AGAP1: variants seen among roughly 807,000 people sequenced by gnomAD.
The protein encoded by AGAP1 is arf-GAP with GTPase, ANK repeat and PH domain-containing protein 1.
AGAP1 carries 29 observed loss-of-function variants against 105.3 expected under a neutral mutation model. The observed-to-expected ratio is 0.28, with a 90% CI of 0.21 to 0.38. AGAP1 has a LOEUF of 0.38. Among genes scored for constraint, AGAP1 ranks in the 10% least tolerant of loss-of-function variants. The pLI is 1.00. For synonymous variants in AGAP1, 509 were observed against 485.9 expected, an observed-to-expected ratio of 1.05 and a Z score of -0.63; for missense variants, 998 against 1,165.1, an observed-to-expected ratio of 0.86 and a Z score of 2.09.
chr2:235,841,838 A>T (rs1960888441), intron 9 of AGAP1, among the ~76,000 whole-genome samples: 1 of 152,096 alleles, frequency 6.6e-6, no homozygotes, highest in African/African-American at 2.4e-5. Context: ...TCCTGCCTAT[A>T]GGCTCATCCA....
rs1951581060 is a variant in AGAP1, at chr2:235,725,086, T to A, written c.310+7442T>A. 6.6e-6 allele frequency among the ~76,000 whole-genome samples: 1 copy of A among 152,196 alleles called. No individual in the cohort carries two copies. Among genetic ancestry groups the A allele is most frequent in the Non-Finnish European group, 1.5e-5 (1 of 68,036 alleles). On this transcript the variant is annotated intron_variant, in intron 3 of 17. Transcript: ENST00000304032. The surrounding 1 kb of genome is among the most constrained non-coding windows in gnomAD (Gnocchi z 5.7). ...TTTCCACTGTGTGTTTGGTTTCTGT[T>A]GCTTGTTCCAAGCTGCTGACGCGGT...
intron 1 of AGAP1, among the ~76,000 whole-genome samples, chr2:235,547,214 G>A (rs973347301): frequency 5.3e-5 from 8 of 152,148 alleles, no homozygotes; most frequent in Admixed American, 2.6e-4. Flanking sequence ...TGAGGCCCAC[G>A]TCCAGAGTTA....
In AGAP1 at chr2:236,003,059, T is replaced by C. The variant is rs1386249773; in HGVS notation, c.1646-33502T>C. ...ATTACTCACGTATTCGCCCACTGTG[T>C]GCCAACAGAGTCTTGATCTATTGCC... On this transcript the variant is annotated intron_variant, in intron 13 of 17. Coordinates refer to ENST00000304032, the MANE Select transcript of AGAP1 (RefSeq NM_001037131.3). This position sits in a 1 kb window ranked among gnomAD's most constrained non-coding sequence, Gnocchi z 4.2. Among the ~76,000 whole-genome samples the C allele has an allele frequency of 1.3e-5, 2 of 152,146 alleles. No homozygotes were observed. Among genetic ancestry groups the C allele is most frequent in the Non-Finnish European group, 2.9e-5 (2 of 68,032 alleles).
intron 9 of AGAP1, among the ~76,000 whole-genome samples, chr2:235,870,123 G>A (rs2049366253): frequency 6.6e-6 from 1 of 152,156 alleles, no homozygotes; most frequent in South Asian, 2.1e-4. Flanking sequence ...CCTCCTTCCT[G>A]CAAAGTACCC....
At chr2:235,790,383 A>G (rs1956901331) in intron 6 of AGAP1, among the ~76,000 whole-genome samples, 2 of 152,286 alleles carry the variant, frequency 1.3e-5, no homozygotes, top group Non-Finnish European at 2.9e-5. Context: ...TCAAAACAAA[A>G]TATATGTGTG....
At chr2:235,785,277 G>A (rs1411311911) in intron 6 of AGAP1, among the ~76,000 whole-genome samples, 1 of 152,196 alleles carries the variant, frequency 6.6e-6, no homozygotes. Flanking sequence ...GAAATGGAAA[G>A]ATTACAGAAG....
chr2:235,822,629 A>G (rs1958858205), intron 9 of AGAP1, among the ~76,000 whole-genome samples: 1 of 152,132 alleles, frequency 6.6e-6, no homozygotes, highest in Admixed American at 6.5e-5. Context: ...GAAGAAGCTC[A>G]GTGGTGAAGA....
chr2:235,678,712 C>G (rs1224550038), intron 1 of AGAP1, among the ~76,000 whole-genome samples: 1 of 152,148 alleles, frequency 6.6e-6, no homozygotes, highest in Non-Finnish European at 1.5e-5. Flanking sequence ...TTTCTTTGGA[C>G]TGTCCTCCTG....
rs1466195832 is a variant in AGAP1 at position 235,973,545 on chromosome 2, G to C, written c.1645+4922G>C. On this transcript the variant is annotated intron_variant, in intron 13 of 17. Coordinates refer to ENST00000304032, the MANE Select transcript of AGAP1 (RefSeq NM_001037131.3). The surrounding 1 kb of genome is among the most constrained non-coding windows in gnomAD (Gnocchi z 4.7). ...CCTGAAGCCTATGCATGGAGGGAACGTGCAGTGACCAGAGAGAAGGGTGGT... is the reference window on the plus strand; with the variant it reads ...CCTGAAGCCTATGCATGGAGGGAACCTGCAGTGACCAGAGAGAAGGGTGGT... Among the ~76,000 whole-genome samples the C allele has an allele frequency of 6.6e-6, 1 of 152,170 alleles. No individual in the cohort carries two copies. Among genetic ancestry groups the C allele is most frequent in the East Asian group, 1.9e-4 (1 of 5,182 alleles).
chr2:235,812,653 C>T (rs1228782601), intron 9 of AGAP1, among the ~76,000 whole-genome samples: 1 of 152,234 alleles, frequency 6.6e-6, no homozygotes, highest in Admixed American at 6.5e-5. Flanking sequence ...GAAGACCACG[C>T]TGAAACTTGA....
In AGAP1 at chr2:235,792,275, A is replaced by G. The variant is rs1211412606; in HGVS notation, c.674-5484A>G. On this transcript the variant is annotated intron_variant, in intron 6 of 17. Coordinates refer to ENST00000304032, the MANE Select transcript of AGAP1 (RefSeq NM_001037131.3). This position sits in a 1 kb window ranked among gnomAD's most constrained non-coding sequence, Gnocchi z 5.3. The stretch of plus-strand genomic sequence containing the variant: ...GTGTCTTCCTTAGTTCTCTGCCCCC[A>G]CTTTTCCCCACCCTTCACGTGTCAT... Among the ~76,000 whole-genome samples the G allele has an allele frequency of 1.3e-5, 2 of 151,942 alleles. No homozygotes were observed. Among genetic ancestry groups the G allele is most frequent in the Admixed American group, 6.6e-5 (1 of 15,260 alleles).
chr2:235,853,397 G>C (rs1195834946), intron 9 of AGAP1, among the ~76,000 whole-genome samples: 1 of 152,182 alleles, frequency 6.6e-6, no homozygotes, highest in Non-Finnish European at 1.5e-5. Flanking sequence ...GATTTTAGTT[G>C]TTCCTTTCTA....
Position 236,131,571 on chromosome 2 carries a change from G to A in AGAP1, c.*7449G>A, listed in dbSNP as rs1250420822. The A allele has an allele frequency of 6.6e-6, 1 of 151,828 alleles. No homozygotes were observed. The highest frequency in any genetic ancestry group is 1.5e-5 in the Non-Finnish European group (1 of 67,978). The allele number at this position is 151,828 out of a possible 1,614,324, so 9.4% of individuals were successfully genotyped here. A position where few individuals can be genotyped will look rare whatever the true frequency, so the allele number is the denominator to read the frequency against. ...CAATGATGCTTTATTTATATTGTTT[G>A]TACTGTAATTAAAACCATTGACAGA... On this transcript the variant is annotated 3_prime_UTR_variant, in exon 18 of 18. Coordinates refer to ENST00000304032, the MANE Select transcript of AGAP1 (RefSeq NM_001037131.3). This position sits in a 1 kb window ranked among gnomAD's most constrained non-coding sequence, Gnocchi z 5.9.
chr2:236,075,691 C>T (rs921260914), intron 16 of AGAP1, among the ~76,000 whole-genome samples: 1 of 152,176 alleles, frequency 6.6e-6, no homozygotes, highest in Non-Finnish European at 1.5e-5. Flanking sequence ...AGCTTATAGC[C>T]CCTTCAAGCT....
intron 6 of AGAP1, among the ~76,000 whole-genome samples, chr2:235,784,782 G>A (rs1371607568): frequency 6.6e-6 from 1 of 152,212 alleles, no homozygotes; most frequent in East Asian, 1.9e-4. Context: ...TGTGGGTAAT[G>A]TTACTATAAC....
intron 11 of AGAP1, among the ~76,000 whole-genome samples, chr2:235,916,441 G>A (rs898367562): frequency 6.6e-6 from 1 of 152,242 alleles, no homozygotes; most frequent in African/African-American, 2.4e-5. Flanking sequence ...GCCTAGTTTG[G>A]TGAAGCTGTA....
intron 12 of AGAP1, among the ~76,000 whole-genome samples, chr2:235,952,126 C>T (rs2873333): frequency 0.59 from 88,958 of 151,992 alleles, 26,398 homozygotes; most frequent in South Asian, 0.84. Flanking sequence ...TCCTTATTGA[C>T]GTGAATGTGC....
intron 9 of AGAP1, among the ~76,000 whole-genome samples, chr2:235,873,975 C>T (rs955965190): frequency 1.3e-5 from 2 of 152,156 alleles, no homozygotes; most frequent in African/African-American, 2.4e-5. Context: ...ACAGTCCCCT[C>T]GCCTCCATCT....
chr2:236,109,462 A>G lies in AGAP1; in HGVS notation c.2115-10730A>G, dbSNP rs1486692722. On this transcript the variant is annotated intron_variant, in intron 16 of 17. Coordinates refer to ENST00000304032, the MANE Select transcript of AGAP1 (RefSeq NM_001037131.3). This position sits in a 1 kb window ranked among gnomAD's most constrained non-coding sequence, Gnocchi z 5.4. ...AAATTATAGATAGTTTTGATAGGGAAGAAGAGGAGGAAGGAAAAACTGAGA... is the reference window on the plus strand; with the variant it reads ...AAATTATAGATAGTTTTGATAGGGAGGAAGAGGAGGAAGGAAAAACTGAGA... Among the ~76,000 whole-genome samples, 3 of 152,164 alleles carry G rather than the reference A, an allele frequency of 2.0e-5. No homozygotes were observed. The highest frequency in any genetic ancestry group is 7.2e-5 in the African/African-American group (3 of 41,448).
Sources: gnomAD v4.1 joint callset for allele counts (sites outside exome capture counted in the v4.1 genomes callset) on GRCh38, gnomAD v4.1.1 for gene constraint, Gnocchi (gnomAD v3.1) non-coding constraint, MANE v1.5 for transcripts, NCBI Gene and HGNC (gene_info 2026-07-23, HGNC 2026-07-21) for gene names.